NEB: variants seen among roughly 807,000 people sequenced by gnomAD.
The protein encoded by NEB is nebulin.
NEB carries 512 observed loss-of-function variants against 952.2 expected under a neutral mutation model. The ratio of observed to expected loss-of-function variants is 0.54; its 90% CI spans 0.50 to 0.58. The LOEUF (loss-of-function observed/expected upper bound fraction) is 0.58, where lower values mean the gene tolerates loss of function less well. Ranked by LOEUF, NEB falls within the 20% of genes least tolerant of loss-of-function variation. The pLI, the probability that NEB is intolerant of heterozygous loss-of-function variation, is 0.00. For missense variants in NEB, 8,428 were observed against 9,231.1 expected, an observed-to-expected ratio of 0.91 and a Z score of 3.56; for synonymous variants, 2,900 against 3,149.8, an observed-to-expected ratio of 0.92 and a Z score of 2.66.
At chr2:151,520,719 C>G (rs1189053181) in intron 153 of NEB, among the ~76,000 whole-genome samples, 1 of 151,980 alleles carries the variant, frequency 6.6e-6, no homozygotes, top group Non-Finnish European at 1.5e-5. Flanking sequence ...CAAAAATTAA[C>G]TGGGCATTGT....
intron 72 of NEB, among the ~76,000 whole-genome samples, chr2:151,620,325 TTA>T (rs1177720939): frequency 6.7e-4 from 77 of 115,282 alleles, no homozygotes; most frequent in Non-Finnish European, 1.0e-3. Flanking sequence ...GTAAATTTTA[TTA>T]TATATATATG....
chr2:151,684,844 A>G lies in NEB; in HGVS notation c.2769T>C (p.Ser923=). 1 of 1,613,440 alleles carries G rather than the reference A, an allele frequency of 6.2e-7. No individual in the cohort carries two copies. Among genetic ancestry groups the G allele is most frequent in the East Asian group, 2.2e-5 (1 of 44,870 alleles). ...TGATGCTATCAGGGGGGTAGCTGTA[A>G]CTGTGTAAGATGTGCTTATAATCAA... ...SDVDYKHILH[S]YSYPPDSINV... Residue 923 remains serine, a synonymous_variant, in exon 28 of 182, where the codon AGT becomes AGC. Coordinates refer to ENST00000397345, the MANE Select transcript of NEB (RefSeq NM_001164508.2).
rs1474933873 is a variant in NEB, at chr2:151,677,647, TG to T, written c.3691del (p.His1231IlefsTer38). 2 of 1,613,898 alleles carry T rather than the reference TG, an allele frequency of 1.2e-6. No homozygotes were observed. Among genetic ancestry groups the T allele is most frequent in the Admixed American group, 3.3e-5 (2 of 60,002 alleles). ...DALNEKKYRQHPDTLKFTSIV... is the reference protein window; with the variant it reads ...DALNEKKYRQXPDTLKFTSIV... ...GCTGGTAAATTTGAGGGTGTCTGGA[TG>T]TTGCCTGTACTTCTTTTCATTCAGA... On this transcript the variant is annotated frameshift_variant, in exon 34 of 182. Transcript: ENST00000397345. LOFTEE classifies it high-confidence loss of function.
chr2:151,628,794 G>A (rs943628125), intron 68 of NEB, among the ~76,000 whole-genome samples: 10 of 152,056 alleles, frequency 6.6e-5, no homozygotes, highest in Admixed American at 3.3e-4. Flanking sequence ...CCCGGGAGGC[G>A]GAGGTTGCAG....
At chr2:151,688,254 G>T (rs768858579) in intron 25 of NEB, 38 bp downstream of exon 25, 4 of 1,433,242 alleles carry the variant, frequency 2.8e-6, no homozygotes, top group Non-Finnish European at 3.9e-6. Context: ...CTCTTTTCAT[G>T]TACACCAAAC....
At chr2:151,680,976 G>A (rs1412826194) in intron 29 of NEB, 148 bp from the exon 30 acceptor site, 1 of 691,722 alleles carries the variant, frequency 1.4e-6, no homozygotes, top group East Asian at 2.6e-5. Context: ...TTGGCTTGAT[G>A]AATGCAATAC....
chr2:151,716,117 C>T (rs1325613863), intron 10 of NEB: 1 of 435,212 alleles, frequency 2.3e-6, no homozygotes, highest in Non-Finnish European at 4.5e-6. Flanking sequence ...TTTACAATAT[C>T]AACACTTTCT....
At chr2:151,490,957 A>G (rs1403944397) in intron 179 of NEB, among the ~76,000 whole-genome samples, 1 of 152,212 alleles carries the variant, frequency 6.6e-6, no homozygotes, top group Non-Finnish European at 1.5e-5. Flanking sequence ...ACATGTCAGA[A>G]TGCAACCATG....
At chr2:151,573,086 C>T (rs1389020530) in intron 107 of NEB, among the ~76,000 whole-genome samples, 1 of 152,122 alleles carries the variant, frequency 6.6e-6, no homozygotes, top group Non-Finnish European at 1.5e-5. Flanking sequence ...TACAAATATT[C>T]TGCTAAAGTT....
At chr2:151,634,104 A>T in intron 64 of NEB, 139 bp from the exon 65 acceptor site, 1 of 1,010,560 alleles carries the variant, frequency 9.9e-7, no homozygotes, top group Non-Finnish European at 1.4e-6. Flanking sequence ...CCTGGCTTTC[A>T]TCCTGGAAGC....
chr2:151,674,712 T>C, intron 35 of NEB, 128 bp from the exon 36 acceptor site: 1 of 677,010 alleles, frequency 1.5e-6, no homozygotes, highest in South Asian at 1.7e-5. Context: ...GGAAATCACA[T>C]TGGCAAAGTG....
chr2:151,581,336 C>G lies in NEB; in HGVS notation c.16284+147G>C, dbSNP rs1230705092. 6 of 240,206 alleles carry G rather than the reference C, an allele frequency of 2.5e-5. No homozygotes were observed. The East Asian group carries it at 3.7e-4, about 15-fold the overall frequency. The allele number at this position is 240,206 out of a possible 1,614,324, so 14.9% of individuals were successfully genotyped here. On this transcript the variant is annotated intron_variant, in intron 103 of 181. Transcript: ENST00000397345. ...TACATTATACAGACACACGCAGACCCACACAGCTACTTATCATTAACTTAA... is the reference window on the plus strand; with the variant it reads ...TACATTATACAGACACACGCAGACCGACACAGCTACTTATCATTAACTTAA...
chr2:151,568,049 C>T (rs1257725457), intron 113 of NEB, 22 bp downstream of exon 113: 29 of 1,589,538 alleles, frequency 1.8e-5, no homozygotes, highest in Non-Finnish European at 2.3e-5. Context: ...TTGCAAAATG[C>T]ACTCCCATCA....
intron 46 of NEB, among the ~76,000 whole-genome samples, 160 bp downstream of exon 46, chr2:151,661,975 T>C (rs554646451): frequency 2.6e-4 from 40 of 152,166 alleles, no homozygotes; most frequent in African/African-American, 9.4e-4. Flanking sequence ...TAGAAATAAT[T>C]CCTATTCTTT....
At chr2:151,531,312 T>C (rs1239933315) in intron 144 of NEB, among the ~76,000 whole-genome samples, 21 of 83,930 alleles carry the variant, frequency 2.5e-4, no homozygotes, top group East Asian at 1.6e-3. Context: ...TTCTTTCTTT[T>C]TTTTTTTTTT....
intron 46 of NEB, among the ~76,000 whole-genome samples, chr2:151,661,546 C>G (rs2099149869): frequency 6.6e-6 from 1 of 152,160 alleles, no homozygotes; most frequent in African/African-American, 2.4e-5. Flanking sequence ...ACTTCAAAAA[C>G]AGATGTTCAA....
chr2:151,730,069 C>A (rs918717622), intron 3 of NEB, among the ~76,000 whole-genome samples: 1 of 152,010 alleles, frequency 6.6e-6, no homozygotes, highest in Non-Finnish European at 1.5e-5. Context: ...TGCAAACTAA[C>A]AATAAACTAA....
chr2:151,536,273 T>C (rs16830177), intron 141 of NEB, among the ~76,000 whole-genome samples: 6,949 of 152,308 alleles, frequency 0.046, 426 homozygotes, highest in East Asian at 0.19. Flanking sequence ...ACTGCCTAGA[T>C]GTCTTGAAAA....
intron 167 of NEB, among the ~76,000 whole-genome samples, chr2:151,502,283 G>A (rs572757495): frequency 2.0e-5 from 3 of 152,026 alleles, no homozygotes; most frequent in African/African-American, 7.3e-5. Context: ...TACTGCTTGG[G>A]TGATGGGTGC....
Sources: allele counts gnomAD v4.1 joint callset (sites outside exome capture counted in the v4.1 genomes callset), GRCh38; gene constraint gnomAD v4.1.1; transcripts MANE v1.5; gene names NCBI Gene and HGNC (gene_info 2026-07-23, HGNC 2026-07-21).